Variants in KAT2B observed in about 807,000 individuals in gnomAD.
The protein encoded by KAT2B is lysine acetyltransferase 2B.
Under a neutral mutation model 105.9 loss-of-function variants are expected in KAT2B, and 36 were observed. The observed-to-expected ratio is 0.34, with a 90% confidence interval of 0.26 to 0.45. The LOEUF (loss-of-function observed/expected upper bound fraction) is 0.45. KAT2B is among the 20% of genes least tolerant of loss of function. The probability of loss-of-function intolerance (pLI) is 1.00; values close to 1 mark genes in which losing one functional copy is unlikely to be tolerated. For missense variants in KAT2B, 820 were observed against 1,021.6 expected (o/e 0.80, Z 2.69); for synonymous variants, 397 against 377.9 (o/e 1.05, Z -0.59).
chr3:20,043,725 T>C (rs1697758401), intron 1 of KAT2B, among the ~76,000 whole-genome samples: 1 of 104,896 alleles, frequency 9.5e-6, no homozygotes, highest in Non-Finnish European at 2.2e-5. Flanking sequence ...GATTTGCTTT[T>C]TTTAAAAAAA....
intron 11 of KAT2B, among the ~76,000 whole-genome samples, chr3:20,130,146 G>A (rs535027288): frequency 6.6e-6 from 1 of 152,260 alleles, no homozygotes; most frequent in Admixed American, 6.5e-5. Context: ...CCCGGCCTCA[G>A]CACGAATTAT....
chr3:20,099,823 A>T (rs745505915), intron 3 of KAT2B, 39 bp from the exon 4 acceptor site: 1 of 1,095,120 alleles, frequency 9.1e-7, no homozygotes, highest in Non-Finnish European at 1.4e-6. Context: ...CATACCAATT[A>T]AGTTTTTCTT....
At chr3:20,047,201 A>G (rs1168004708) in intron 1 of KAT2B, among the ~76,000 whole-genome samples, 1 of 151,024 alleles carries the variant, frequency 6.6e-6, no homozygotes, top group African/African-American at 2.4e-5. Flanking sequence ...CTACTTGGCC[A>G]GGCGCACGTC....
At chr3:20,112,811 A>C (rs1188429111) in intron 6 of KAT2B, among the ~76,000 whole-genome samples, 1 of 152,218 alleles carries the variant, frequency 6.6e-6, no homozygotes, top group Non-Finnish European at 1.5e-5. Flanking sequence ...TTTATTATTC[A>C]GATAGTGTTA....
intron 1 of KAT2B, 37 bp downstream of exon 1, chr3:20,040,817 T>C (rs767384311): frequency 6.5e-7 from 1 of 1,548,296 alleles, no homozygotes. Flanking sequence ...GGATGGGTGC[T>C]AGGGGCCCAG....
chr3:20,131,037 C>T lies in KAT2B; in HGVS notation c.1749+3488C>T, dbSNP rs537425266. ...TTTTTTTTTTTTTTTTTTTTTGAGA[C>T]GGAGTTTTGCTCTTGTTGCCCAGGC... On this transcript the variant is annotated intron_variant, in intron 11 of 17. Coordinates refer to ENST00000263754, the MANE Select transcript of KAT2B (RefSeq NM_003884.5). Among the ~76,000 whole-genome samples, 33 of 85,164 alleles carry T rather than the reference C, an allele frequency of 3.9e-4. 1 individual carries two copies. In the South Asian group the frequency reaches 0.012, roughly 31 times the overall value. 55.9% of individuals were successfully genotyped at this position (85,164 alleles called of 152,430 possible).
intron 13 of KAT2B, 73 bp from the exon 14 acceptor site, chr3:20,146,243 C>A: frequency 2.4e-6 from 2 of 834,776 alleles, no homozygotes; most frequent in South Asian, 1.5e-5. Flanking sequence ...GAAAACATTT[C>A]ATTAGGTTGA....
chr3:20,146,422 C>T lies in KAT2B; in HGVS notation c.2111C>T (p.Pro704Leu), dbSNP rs370382348. 4.4e-6 allele frequency: 7 copies of T among 1,597,664 alleles called. No individual in the cohort carries two copies. In the African/African-American group the frequency reaches 5.4e-5, roughly 12 times the overall value. Residue 704 changes from proline (P) to leucine (L), a missense_variant, in exon 14 of 18, where the codon CCT (proline) becomes CTT (leucine). By Grantham distance (98) the Pro-to-Leu change is moderately conservative (BLOSUM62 -3). Around this residue, in one of 6 missense-constraint regions of KAT2B, gnomAD observed 227 missense variants for 292.9 expected, o/e 0.77. Transcript: ENST00000263754. ...CGACAGATTCCTATAGAAAGCATTCCTGGAATTAGTACGTATAGACCTTCT... is the reference window on the plus strand; with the variant it reads ...CGACAGATTCCTATAGAAAGCATTCTTGGAATTAGTACGTATAGACCTTCT... Reference protein sequence around the residue: ...GVRQIPIESIPGIRETGWKPS... With the variant: ...GVRQIPIESILGIRETGWKPS...
chr3:20,044,541 G>C (rs1697773650), intron 1 of KAT2B, among the ~76,000 whole-genome samples: 1 of 152,080 alleles, frequency 6.6e-6, no homozygotes, highest in African/African-American at 2.4e-5. Flanking sequence ...ACTGCTATCT[G>C]TGGCTCCTTA....
At chr3:20,128,938 C>T (rs996590979) in intron 11 of KAT2B, among the ~76,000 whole-genome samples, 2 of 135,474 alleles carry the variant, frequency 1.5e-5, no homozygotes, top group Non-Finnish European at 3.1e-5. Context: ...ACCCGGGAGG[C>T]GGAGGTTGCA....
chr3:20,133,185 T>C (rs1699541607), intron 11 of KAT2B, among the ~76,000 whole-genome samples: 1 of 152,242 alleles, frequency 6.6e-6, no homozygotes, highest in Non-Finnish European at 1.5e-5. Context: ...ACACATATAT[T>C]GGAACTTACT....
At chr3:20,129,193 G>A (rs1291477976) in intron 11 of KAT2B, among the ~76,000 whole-genome samples, 1 of 151,720 alleles carries the variant, frequency 6.6e-6, no homozygotes, top group Non-Finnish European at 1.5e-5. Flanking sequence ...CATATTATGT[G>A]CTTTTAAATT....
intron 2 of KAT2B, among the ~76,000 whole-genome samples, chr3:20,075,671 C>T (rs1183407272): frequency 6.6e-6 from 1 of 152,100 alleles, no homozygotes; most frequent in African/African-American, 2.4e-5. Flanking sequence ...ACACAGACAG[C>T]CAGATGAAGG....
intron 2 of KAT2B, among the ~76,000 whole-genome samples, chr3:20,094,688 T>G (rs1268211401): frequency 6.6e-6 from 1 of 152,112 alleles, no homozygotes; most frequent in Non-Finnish European, 1.5e-5. Flanking sequence ...CAAGCTAAAA[T>G]AGGCCGTGGG....
intron 2 of KAT2B, among the ~76,000 whole-genome samples, chr3:20,085,388 T>C (rs1698594547): frequency 6.6e-6 from 1 of 152,226 alleles, no homozygotes; most frequent in East Asian, 1.9e-4. Context: ...AGATGAAGTC[T>C]GATTTTGGGT....
intron 6 of KAT2B, among the ~76,000 whole-genome samples, chr3:20,112,810 C>T (rs533307866): frequency 6.6e-6 from 1 of 152,234 alleles, no homozygotes; most frequent in East Asian, 1.9e-4. Context: ...TTTTATTATT[C>T]AGATAGTGTT....
chr3:20,064,310 A>T (rs1335722284), intron 1 of KAT2B, among the ~76,000 whole-genome samples: 1 of 152,220 alleles, frequency 6.6e-6, no homozygotes, highest in Non-Finnish European at 1.5e-5. Flanking sequence ...TGTAATTAGC[A>T]TGTTCATCAC....
chr3:20,148,473 T>C lies in KAT2B; in HGVS notation c.2291T>C (p.Ile764Thr). 2 of 1,601,378 alleles carry C rather than the reference T, an allele frequency of 1.2e-6. No individual in the cohort carries two copies. The highest frequency in any genetic ancestry group is 1.7e-6 in the Non-Finnish European group (2 of 1,175,884). The change falls in exon 17 of 18, where the codon ATA becomes ACA. Residue 764 changes from isoleucine to threonine, a missense_variant. By Grantham distance (89) the Ile-to-Thr change is moderately conservative (BLOSUM62 -1). Transcript: ENST00000263754. ...RTEAPGYYEV[I>T]RFPMDLKTMS... ...GAAGCTCCAGGATATTATGAAGTTA[T>C]AAGGTTCCCCATGGGTAATACCATT... is the stretch of plus-strand genomic sequence containing the variant.
intron 15 of KAT2B, 64 bp downstream of exon 15, chr3:20,148,063 T>A: frequency 6.5e-7 from 1 of 1,542,108 alleles, no homozygotes; most frequent in South Asian, 1.2e-5. Context: ...CCAAGCAACT[T>A]AAAGAAAAAC....
Sources: gnomAD v4.1 joint callset for allele counts (sites outside exome capture counted in the v4.1 genomes callset) on GRCh38, gnomAD v4.1.1 for gene constraint, gnomAD v4.1.1 regional missense constraint, MANE v1.5 for transcripts, NCBI Gene and HGNC (gene_info 2026-07-23, HGNC 2026-07-21) for gene names.